Variants in SLCO2A1 observed in about 807,000 individuals in gnomAD.
SLCO2A1 encodes matrin F/G 1.
SLCO2A1 carries 60 observed loss-of-function variants against 71.7 expected under a neutral mutation model. The observed-to-expected ratio is 0.84, with a 90% CI of 0.68 to 1.04. SLCO2A1 has a LOEUF of 1.04. SLCO2A1 is among the 50% of genes least tolerant of loss of function. The pLI is 0.00. For synonymous variants in SLCO2A1, 308 were observed against 326.7 expected, an observed-to-expected ratio of 0.94 and a Z score of 0.62; for missense variants, 745 against 813.4, an observed-to-expected ratio of 0.92 and a Z score of 1.02.
chr3:133,940,191 C>T (rs547711074), intron 11 of SLCO2A1, among the ~76,000 whole-genome samples: 124 of 152,278 alleles, frequency 8.1e-4, no homozygotes, highest in African/African-American at 2.7e-3. Context: ...TGGTCTTGAA[C>T]GCCTGACCTC....
chr3:134,015,960 T>G (rs1019958367), intron 1 of SLCO2A1, among the ~76,000 whole-genome samples: 1 of 151,890 alleles, frequency 6.6e-6, no homozygotes, highest in Non-Finnish European at 1.5e-5. Context: ...AACAACTGGA[T>G]AGCAATAGGT....
intron 1 of SLCO2A1, among the ~76,000 whole-genome samples, chr3:133,988,522 A>G (rs1452526116): frequency 6.6e-6 from 1 of 152,162 alleles, no homozygotes; most frequent in African/African-American, 2.4e-5. Context: ...CACCCCGACC[A>G]CCATGGCACA....
chr3:134,004,001 A>G (rs747173614), intron 1 of SLCO2A1, among the ~76,000 whole-genome samples: 4 of 152,144 alleles, frequency 2.6e-5, no homozygotes, highest in Non-Finnish European at 4.4e-5. Flanking sequence ...CCTGCCTGGG[A>G]TCATCCCTTC....
At chr3:133,960,346 T>A (rs1473085749) in intron 3 of SLCO2A1, among the ~76,000 whole-genome samples, 5 of 152,146 alleles carry the variant, frequency 3.3e-5, no homozygotes, top group Admixed American at 3.3e-4. Flanking sequence ...AAATGTGGTA[T>A]ATGCAATGGA....
rs201540791 is a variant in SLCO2A1, at chr3:133,947,440, C to G, written c.1111G>C (p.Val371Leu). 6.2e-7 allele frequency: 1 copy of G among 1,612,240 alleles called. No homozygotes were observed. Reference sequence around the variant, plus strand: ...CCCAAGGCTGCAGCAGGGAGGTTCACAGCACCTATAAGTGGAAAGAAGGAG... The same window carrying G: ...CCCAAGGCTGCAGCAGGGAGGTTCAGAGCACCTATAAGTGGAAAGAAGGAG... ...AAYANFLIGA[V>L]NLPAAALGML... The change falls in exon 9 of 14, where the codon GTG (valine) becomes CTG (leucine). Residue 371 changes from valine to leucine, a missense_variant. Transcript: ENST00000310926.
intron 1 of SLCO2A1, among the ~76,000 whole-genome samples, chr3:133,997,008 T>A (rs970124922): frequency 6.6e-6 from 1 of 152,192 alleles, no homozygotes; most frequent in African/African-American, 2.4e-5. Flanking sequence ...CAGATTCCAC[T>A]TGACCTCCTG....
intron 1 of SLCO2A1, among the ~76,000 whole-genome samples, chr3:133,991,109 CAAAAAAACAAAACAA>C (rs1327227142): frequency 6.6e-6 from 1 of 150,736 alleles, no homozygotes; most frequent in Non-Finnish European, 1.5e-5. Flanking sequence ...GACTCCATCT[CAAAAAAACAAAACAA>C]AAAAAAACAA....
At chr3:134,017,781 G>C (rs2108077655) in intron 1 of SLCO2A1, among the ~76,000 whole-genome samples, 1 of 152,306 alleles carries the variant, frequency 6.6e-6, no homozygotes, top group East Asian at 1.9e-4. Context: ...ATGAAGAGGG[G>C]CGAGGCCAGG....
intron 3 of SLCO2A1, among the ~76,000 whole-genome samples, chr3:133,968,521 C>T (rs779497455): frequency 1.3e-5 from 2 of 152,230 alleles, no homozygotes; most frequent in Non-Finnish European, 1.5e-5. Context: ...ATGGCAACTT[C>T]ATGAATAAAG....
intron 12 of SLCO2A1, among the ~76,000 whole-genome samples, 158 bp downstream of exon 12, chr3:133,938,271 C>T (rs1280588128): frequency 6.6e-6 from 1 of 152,154 alleles, no homozygotes; most frequent in Non-Finnish European, 1.5e-5. Flanking sequence ...TCTGGGAAAC[C>T]GTCCACATGG....
At chr3:134,025,545 G>T (rs770742963) in intron 1 of SLCO2A1, among the ~76,000 whole-genome samples, 66 of 152,040 alleles carry the variant, frequency 4.3e-4, no homozygotes, top group Non-Finnish European at 7.4e-5. Context: ...ATAAGCTGTG[G>T]TTCTCTTAAT....
At chr3:134,019,945 TA>T (rs1935536951) in intron 1 of SLCO2A1, among the ~76,000 whole-genome samples, 1 of 151,878 alleles carries the variant, frequency 6.6e-6, no homozygotes, top group African/African-American at 2.4e-5. Flanking sequence ...AAGTAAAAAC[TA>T]AAAGGCAGAA....
At chr3:133,994,357 T>G (rs1934917911) in intron 1 of SLCO2A1, among the ~76,000 whole-genome samples, 1 of 152,194 alleles carries the variant, frequency 6.6e-6, no homozygotes, top group Admixed American at 6.5e-5. Context: ...CCATGCTGCC[T>G]GGGGTGAGCG....
intron 1 of SLCO2A1, among the ~76,000 whole-genome samples, chr3:133,992,926 G>C (rs1325893235): frequency 6.7e-6 from 1 of 148,220 alleles, no homozygotes; most frequent in African/African-American, 2.6e-5. Flanking sequence ...CATGAGTGTG[G>C]GTGCTGTCAT....
chr3:133,983,322 G>A (rs1329252266), intron 1 of SLCO2A1, among the ~76,000 whole-genome samples: 1 of 152,196 alleles, frequency 6.6e-6, no homozygotes, highest in African/African-American at 2.4e-5. Context: ...TCCTCAGCCA[G>A]CATCAACCAC....
intron 1 of SLCO2A1, among the ~76,000 whole-genome samples, chr3:133,999,493 T>G (rs1463367222): frequency 6.6e-6 from 1 of 152,094 alleles, no homozygotes; most frequent in Non-Finnish European, 1.5e-5. Context: ...CAGGGCTGCC[T>G]CCCCCAGCCC....
At position 133,942,628 on chromosome 3, in the gene SLCO2A1, G is replaced by A; in HGVS notation, c.1602C>T (p.Asn534=). 6.2e-7 allele frequency: 1 copy of A among 1,613,686 alleles called. No homozygotes were observed. The highest frequency in any genetic ancestry group is 8.5e-7 in the Non-Finnish European group (1 of 1,179,822). The change falls in exon 11 of 14, where the codon AAC becomes AAT. Residue 534 remains asparagine (N), a synonymous_variant. Coordinates refer to ENST00000310926, the MANE Select transcript of SLCO2A1 (RefSeq NM_005630.3). ...ACCGCAGAACCATCATGTAGAGGGG[G>A]TTGTGGGAGATGCAGGCTATCAGGG... The part of the protein sequence containing the change: ...FVSLIACISH[N]PLYMMVLRVV...
chr3:133,985,051 C>T (rs1934681607), intron 1 of SLCO2A1, among the ~76,000 whole-genome samples: 1 of 152,184 alleles, frequency 6.6e-6, no homozygotes, highest in Non-Finnish European at 1.5e-5. Context: ...TTGAAGCTAC[C>T]TCCACTCCCT....
intron 1 of SLCO2A1, among the ~76,000 whole-genome samples, chr3:133,986,727 G>A (rs1934722713): frequency 6.6e-6 from 1 of 152,244 alleles, no homozygotes; most frequent in African/African-American, 2.4e-5. Flanking sequence ...ATTTGGGGGT[G>A]TGGGGGACTT....
Sources: allele counts gnomAD v4.1 joint callset (sites outside exome capture counted in the v4.1 genomes callset), GRCh38; gene constraint gnomAD v4.1.1; transcripts MANE v1.5; gene names NCBI Gene and HGNC (gene_info 2026-07-23, HGNC 2026-07-21).